Variants in CACNA2D3 observed in about 807,000 individuals in gnomAD.
The protein encoded by CACNA2D3 is voltage-dependent calcium channel subunit alpha-2/delta-3.
CACNA2D3 carries 60 observed loss-of-function variants against 160.6 expected under a neutral mutation model. That is an observed-to-expected ratio of 0.37 (90% CI 0.30 to 0.46). CACNA2D3 has a LOEUF of 0.46. CACNA2D3 is among the 20% of genes least tolerant of loss of function. The probability of loss-of-function intolerance (pLI) is 1.00; values close to 1 mark genes in which losing one functional copy is unlikely to be tolerated. For synonymous variants in CACNA2D3, 558 were observed against 492.9 expected (o/e 1.13, Z -1.75); for missense variants, 1,205 against 1,365.0 (o/e 0.88, Z 1.85).
intron 11 of CACNA2D3, among the ~76,000 whole-genome samples, chr3:54,717,947 T>G (rs150562863): frequency 1.8e-4 from 28 of 152,292 alleles, no homozygotes; most frequent in African/African-American, 6.5e-4. Context: ...CCCATCCCTG[T>G]GATCACTAAT....
intron 23 of CACNA2D3, among the ~76,000 whole-genome samples, chr3:54,887,168 G>A (rs1699946020): frequency 6.6e-6 from 1 of 152,232 alleles, no homozygotes. Flanking sequence ...GCTCATGCCT[G>A]TAATCCCAGC....
chr3:54,734,880 C>T (rs371118338), intron 11 of CACNA2D3, among the ~76,000 whole-genome samples: 6 of 152,160 alleles, frequency 3.9e-5, no homozygotes, highest in Non-Finnish European at 8.8e-5. Flanking sequence ...TATGGAAGTT[C>T]GGTGATGGGG....
At chr3:54,528,861 T>C (rs996578054) in intron 5 of CACNA2D3, among the ~76,000 whole-genome samples, 1 of 152,208 alleles carries the variant, frequency 6.6e-6, no homozygotes, top group South Asian at 2.1e-4. Context: ...TTTTCCTCCA[T>C]TGTAGCTCAA....
intron 2 of CACNA2D3, among the ~76,000 whole-genome samples, chr3:54,242,871 A>G (rs1701998949): frequency 1.3e-5 from 2 of 152,326 alleles, no homozygotes; most frequent in South Asian, 2.1e-4. Flanking sequence ...GGTCAGTTAG[A>G]TGGTGGAGGT....
At chr3:54,415,732 A>G (rs1699744076) in intron 4 of CACNA2D3, among the ~76,000 whole-genome samples, 2 of 152,268 alleles carry the variant, frequency 1.3e-5, no homozygotes, top group Non-Finnish European at 2.9e-5. Flanking sequence ...TCTGTTTTAC[A>G]TATGGAGAAA....
intron 35 of CACNA2D3, among the ~76,000 whole-genome samples, chr3:55,063,950 G>A (rs1354335698): frequency 1.3e-5 from 2 of 152,228 alleles, no homozygotes; most frequent in Non-Finnish European, 2.9e-5. Flanking sequence ...TATTCTTAAA[G>A]GTACTAAAAG....
chr3:54,190,340 G>A (rs1700957308), intron 2 of CACNA2D3, among the ~76,000 whole-genome samples: 1 of 152,200 alleles, frequency 6.6e-6, no homozygotes, highest in South Asian at 2.1e-4. Flanking sequence ...TACCCAGAAA[G>A]GGTGAATGTT....
intron 5 of CACNA2D3, among the ~76,000 whole-genome samples, chr3:54,541,278 G>GAAAAAAAAAAA (rs141900915): frequency 4.9e-5 from 4 of 81,734 alleles, no homozygotes; most frequent in Non-Finnish European, 8.8e-5. Flanking sequence ...CTCCGTCTCA[G>GAAAAAAAAAAA]AAAAAAAAAA....
intron 2 of CACNA2D3, among the ~76,000 whole-genome samples, chr3:54,260,843 A>G (rs777110949): frequency 6.6e-5 from 10 of 152,118 alleles, no homozygotes; most frequent in African/African-American, 2.4e-4. Context: ...TTCAGCTCAG[A>G]TATCATCTCC....
chr3:54,347,337 A>T (rs1698477756), intron 3 of CACNA2D3, among the ~76,000 whole-genome samples: 1 of 152,206 alleles, frequency 6.6e-6, no homozygotes, highest in African/African-American at 2.4e-5. Context: ...TCCTGCTGGC[A>T]TAGAGGTTTG....
chr3:54,934,450 GA>G (rs1335717791), intron 27 of CACNA2D3, among the ~76,000 whole-genome samples: 2 of 152,108 alleles, frequency 1.3e-5, no homozygotes, highest in Non-Finnish European at 2.9e-5. Flanking sequence ...CAGGTTCAAG[GA>G]ATGCCTAGGA....
chr3:54,990,527 T>C (rs59823764), intron 31 of CACNA2D3, among the ~76,000 whole-genome samples: 1 of 151,914 alleles, frequency 6.6e-6, no homozygotes, highest in African/African-American at 2.4e-5. Flanking sequence ...CGAGACTCCA[T>C]CTCAAACAAA....
chr3:54,630,032 T>G (rs1699200674), intron 10 of CACNA2D3, among the ~76,000 whole-genome samples: 1 of 152,168 alleles, frequency 6.6e-6, no homozygotes, highest in Admixed American at 6.5e-5. Flanking sequence ...TTATTGAGAA[T>G]TTTAAGGTAA....
At chr3:54,901,085 T>G (rs186274402) in intron 27 of CACNA2D3, 15 of 152,294 alleles carry the variant, frequency 9.8e-5, no homozygotes, top group African/African-American at 2.9e-4. Context: ...TCATGTTCCT[T>G]GAGGAAAGTG....
intron 2 of CACNA2D3, among the ~76,000 whole-genome samples, chr3:54,271,542 T>C (rs1048984845): frequency 2.0e-5 from 3 of 152,264 alleles, no homozygotes; most frequent in African/African-American, 7.2e-5. Flanking sequence ...TTTTCTTTAC[T>C]TGTCATACAG....
chr3:54,833,861 C>T (rs1009331595), intron 14 of CACNA2D3, among the ~76,000 whole-genome samples: 1 of 152,080 alleles, frequency 6.6e-6, no homozygotes, highest in Non-Finnish European at 1.5e-5. Context: ...CATAGGAAAG[C>T]CTACGGGTTA....
intron 4 of CACNA2D3, among the ~76,000 whole-genome samples, chr3:54,484,801 T>G (rs35549974): frequency 0.087 from 13,191 of 152,094 alleles, 643 homozygotes; most frequent in Middle Eastern, 0.13. Flanking sequence ...TTGTGAATTA[T>G]GAGAGTATGA....
chr3:54,796,413 G>T (rs1418078817), intron 13 of CACNA2D3, among the ~76,000 whole-genome samples: 1 of 152,098 alleles, frequency 6.6e-6, no homozygotes, highest in Non-Finnish European at 1.5e-5. Context: ...TTAGCCACTG[G>T]ATCCAGTCTT....
At chr3:54,266,892 G>C (rs1379851744) in intron 2 of CACNA2D3, among the ~76,000 whole-genome samples, 1 of 152,296 alleles carries the variant, frequency 6.6e-6, no homozygotes, top group East Asian at 1.9e-4. Context: ...GGCCCTCTTA[G>C]GGAGAGCATG....
Sources: allele counts gnomAD v4.1 joint callset (sites outside exome capture counted in the v4.1 genomes callset), GRCh38; gene constraint gnomAD v4.1.1; transcripts MANE v1.5; gene names NCBI Gene and HGNC (gene_info 2026-07-23, HGNC 2026-07-21).